The following YPEL4 variants were observed in gnomAD, a reference collection of about 807,000 sequenced individuals.
YPEL4 encodes the protein yippee like 4.
In YPEL4, 5 loss-of-function variants were observed where a neutral mutation model predicts 16.3. The ratio of observed to expected loss-of-function variants is 0.31; its 90% CI spans 0.16 to 0.64. YPEL4 has a LOEUF of 0.64. Among genes scored for constraint, YPEL4 ranks in the 30% least tolerant of loss-of-function variants. YPEL4 has a pLI of 0.79. For synonymous variants in YPEL4, 61 were observed against 60.7 expected (o/e 1.00, Z -0.02); for missense variants, 127 against 170.0 (o/e 0.75, Z 1.41).
intron 4 of YPEL4, 105 bp from the exon 5 acceptor site, chr11:57,646,175 C>T (rs764258055): frequency 3.9e-5 from 61 of 1,561,346 alleles, no homozygotes; most frequent in Admixed American, 5.1e-5. Context: ...TAGCCCAACC[C>T]AGTGACTAGT....
At position 57,645,956 on chromosome 11, in the gene YPEL4, G is replaced by A; in HGVS notation, c.*25C>T. 1 of 1,610,742 alleles carries A rather than the reference G, an allele frequency of 6.2e-7. No individual in the cohort carries two copies. Among genetic ancestry groups the A allele is most frequent in the South Asian group, 1.1e-5 (1 of 90,990 alleles). ...CGTGGGGAGGGAGGGGCATGCGGAG[G>A]AAGGGCACACCCTGCCTGAGCCCCT... On this transcript the variant is annotated 3_prime_UTR_variant, in exon 5 of 5. Coordinates refer to ENST00000300022, the MANE Select transcript of YPEL4 (RefSeq NM_145008.3).
At chr11:57,648,182 G>C (rs769528063) in intron 1 of YPEL4, 1 of 152,256 alleles carries the variant, frequency 6.6e-6, no homozygotes, top group South Asian at 2.1e-4. Context: ...TGAGAGCAAC[G>C]GCCACAACGA....
In YPEL4 at chr11:57,645,869, G is replaced by T; in HGVS notation, c.*112C>A. 1.9e-6 allele frequency: 2 copies of T among 1,072,018 alleles called. No individual in the cohort carries two copies. Among genetic ancestry groups the T allele is most frequent in the Non-Finnish European group, 2.7e-6 (2 of 736,358 alleles). 66.4% of individuals were successfully genotyped at this position (1,072,018 alleles called of 1,614,324 possible). A position where few individuals can be genotyped will look rare whatever the true frequency, so the allele number is the denominator to read the frequency against. ...GGTGGAGGCAGGGGAGGGGTTGGTT[G>T]GAGCCAGGTTTCCCCCAGGGGTGGG... On this transcript the variant is annotated 3_prime_UTR_variant, in exon 5 of 5. Coordinates refer to ENST00000300022, the MANE Select transcript of YPEL4 (RefSeq NM_145008.3).
Position 57,646,053 on chromosome 11 carries a change from C to CAA in YPEL4, c.311_312insTT (p.Ser105Ter). The CAA allele has an allele frequency of 6.2e-7, 1 of 1,614,146 alleles. No individual in the cohort carries two copies. Among genetic ancestry groups the CAA allele is most frequent in the Non-Finnish European group, 8.5e-7 (1 of 1,180,038 alleles). ...ATTTCCCTTCCTTGTACTTCTGGCTCGTCTCAAAAGCTTGCTCCTGGTGAA... is the reference window on the plus strand; with the variant it reads ...ATTTCCCTTCCTTGTACTTCTGGCTCAAGTCTCAAAAGCTTGCTCCTGGTGAA... On this transcript the variant is annotated frameshift_variant, in exon 5 of 5. Coordinates refer to ENST00000300022, the MANE Select transcript of YPEL4 (RefSeq NM_145008.3). LOFTEE classifies it high-confidence loss of function.
At chr11:57,648,298 CTG>C (rs1945755868) in intron 1 of YPEL4, 1 of 152,268 alleles carries the variant, frequency 6.6e-6, no homozygotes, top group African/African-American at 2.4e-5. Flanking sequence ...AGCAGTGACT[CTG>C]TGGGTGACTG....
In YPEL4 at chr11:57,645,738, C is replaced by G. The variant is rs1945722823; in HGVS notation, c.*243G>C. On this transcript the variant is annotated 3_prime_UTR_variant, in exon 5 of 5. Coordinates refer to ENST00000300022, the MANE Select transcript of YPEL4 (RefSeq NM_145008.3). ...GGGAACAGAAAGACCCACAACCATC[C>G]CTTTCCCCCAGTTCTGTCTCTCCCT... 3 of 524,282 alleles carry G rather than the reference C, an allele frequency of 5.7e-6. No individual in the cohort carries two copies. In the South Asian group the frequency reaches 8.1e-5, roughly 14 times the overall value. The allele number at this position is 524,282 out of a possible 1,614,324, so 32.5% of individuals were successfully genotyped here. A position where few individuals can be genotyped will look rare whatever the true frequency, so the allele number is the denominator to read the frequency against.
intron 3 of YPEL4, 82 bp from the exon 4 acceptor site, chr11:57,646,487 C>T (rs1590841717): frequency 2.0e-6 from 3 of 1,516,546 alleles, no homozygotes; most frequent in Non-Finnish European, 2.7e-6. Context: ...AGGGAACTTC[C>T]ATCTGGAGAG....
intron 4 of YPEL4, 50 bp from the exon 5 acceptor site, chr11:57,646,120 G>A (rs1175008861): frequency 6.2e-7 from 1 of 1,605,462 alleles, no homozygotes; most frequent in African/African-American, 1.3e-5. Context: ...TTCCTTCCAG[G>A]CCCCACTGTC....
At chr11:57,646,252 G>C (rs1458948253) in intron 4 of YPEL4, 45 bp downstream of exon 4, 1 of 1,606,894 alleles carries the variant, frequency 6.2e-7, no homozygotes, top group Non-Finnish European at 8.5e-7. Context: ...GAAGGGCCAT[G>C]GGGACTGCCA....
intron 1 of YPEL4, chr11:57,648,843 T>G (rs1007337699): frequency 6.6e-6 from 1 of 152,312 alleles, no homozygotes; most frequent in Non-Finnish European, 1.5e-5. Flanking sequence ...TTCACAGGTT[T>G]GCCTTCAACT....
In YPEL4 at chr11:57,646,954, C is replaced by T; in HGVS notation, c.141+13G>A. 1.3e-6 allele frequency: 2 copies of T among 1,567,330 alleles called. No individual in the cohort carries two copies. The highest frequency in any genetic ancestry group is 2.3e-5 in the South Asian group (2 of 86,376). ...GCGAGAGGAGGGGAATGGCAGGTCCCCGCTTCGCGTACCTTGGAAATAAGC... is the reference window on the plus strand; with the variant it reads ...GCGAGAGGAGGGGAATGGCAGGTCCTCGCTTCGCGTACCTTGGAAATAAGC... On this transcript the variant is annotated intron_variant, in intron 2 of 4. Transcript: ENST00000300022.
At position 57,647,286 on chromosome 11, in the gene YPEL4, A is replaced by G. The variant is rs1945744030; in HGVS notation, c.-179T>C. Reference sequence around the variant, plus strand: ...CAGACGAGAACCAGATAGAAATAGAAGTCACCTGGGAAGAGGGGAAAGGAC... The same window carrying G: ...CAGACGAGAACCAGATAGAAATAGAGGTCACCTGGGAAGAGGGGAAAGGAC... On this transcript the variant is annotated 5_prime_UTR_variant, in exon 2 of 5. Transcript: ENST00000300022. The surrounding 1 kb of genome is among the most constrained non-coding windows in gnomAD (Gnocchi z 4.2). 1.2e-6 allele frequency: 1 copy of G among 827,384 alleles called. No homozygotes were observed. The highest frequency in any genetic ancestry group is 2.3e-5 in the South Asian group (1 of 44,088). 51.3% of individuals were successfully genotyped at this position (827,384 alleles called of 1,614,324 possible).
Position 57,647,314 on chromosome 11 carries a change from CA to C in YPEL4, c.-184-24del, listed in dbSNP as rs1945744325. On this transcript the variant is annotated intron_variant, in intron 1 of 4. Coordinates refer to ENST00000300022, the MANE Select transcript of YPEL4 (RefSeq NM_145008.3). This position sits in a 1 kb window ranked among gnomAD's most constrained non-coding sequence, Gnocchi z 4.2. ...CACCTGGGAAGAGGGGAAAGGACAT[CA>C]GGGGAGCTGCGACCTCAGGAGGACC... 6 of 612,058 alleles carry C rather than the reference CA, an allele frequency of 9.8e-6. No homozygotes were observed. Among genetic ancestry groups the C allele is most frequent in the South Asian group, 9.1e-5 (3 of 32,926 alleles). The allele number at this position is 612,058 out of a possible 1,614,324, so 37.9% of individuals were successfully genotyped here.
At position 57,647,203 on chromosome 11, in the gene YPEL4, C is replaced by A; in HGVS notation, c.-96G>T. Reference sequence around the variant, plus strand: ...CAGGTGAAGCAGCGGAGCAGGTTGGCTAGAGCCGTGTTTCAGGGCAGGAGA... The same window carrying A: ...CAGGTGAAGCAGCGGAGCAGGTTGGATAGAGCCGTGTTTCAGGGCAGGAGA... On this transcript the variant is annotated 5_prime_UTR_variant, in exon 2 of 5. Transcript: ENST00000300022. The surrounding 1 kb of genome is among the most constrained non-coding windows in gnomAD (Gnocchi z 4.2). 6.9e-7 allele frequency: 1 copy of A among 1,444,528 alleles called. No individual in the cohort carries two copies. The highest frequency in any genetic ancestry group is 2.6e-5 in the East Asian group (1 of 38,848). The allele number at this position is 1,444,528 out of a possible 1,614,324, so 89.5% of individuals were successfully genotyped here. A position where few individuals can be genotyped will look rare whatever the true frequency, so the allele number is the denominator to read the frequency against.
chr11:57,646,878 G>C lies in YPEL4; in HGVS notation c.142-84C>G, dbSNP rs925281850. 3.1e-6 allele frequency: 5 copies of C among 1,595,062 alleles called. No individual in the cohort carries two copies. The African/African-American group carries it at 5.4e-5, about 17-fold the overall frequency. Reference sequence around the variant, plus strand: ...TCCCCGCAGGGGTGTGTAGGAGAGAGGAAGAGCTTTGCTGCCTCACCCCTG... The same window carrying C: ...TCCCCGCAGGGGTGTGTAGGAGAGACGAAGAGCTTTGCTGCCTCACCCCTG... On this transcript the variant is annotated intron_variant, in intron 2 of 4. Transcript: ENST00000300022.
intron 2 of YPEL4, 85 bp from the exon 3 acceptor site, chr11:57,646,879 G>A (rs1945736352): frequency 4.4e-6 from 7 of 1,593,126 alleles, no homozygotes; most frequent in South Asian, 1.1e-5. Context: ...TAGGAGAGAG[G>A]AAGAGCTTTG....
rs962133762 is a variant in YPEL4, at chr11:57,649,717, T to C, written c.-217A>G. ...TCTGCTCCAGAGATCTCCGTCTATCTCTCTCTCTCTCTCTCAATCTCTCAA... is the reference window on the plus strand; with the variant it reads ...TCTGCTCCAGAGATCTCCGTCTATCCCTCTCTCTCTCTCTCAATCTCTCAA... On this transcript the variant is annotated 5_prime_UTR_variant, in exon 1 of 5. Coordinates refer to ENST00000300022, the MANE Select transcript of YPEL4 (RefSeq NM_145008.3). 4 of 145,784 alleles carry C rather than the reference T, an allele frequency of 2.7e-5. No homozygotes were observed. The highest frequency in any genetic ancestry group is 1.0e-4 in the African/African-American group (4 of 39,574). 9.0% of individuals were successfully genotyped at this position (145,784 alleles called of 1,614,324 possible).
intron 2 of YPEL4, 38 bp from the exon 3 acceptor site, chr11:57,646,832 C>G (rs969422727): frequency 1.4e-5 from 22 of 1,612,572 alleles, no homozygotes; most frequent in Non-Finnish European, 1.9e-5. Flanking sequence ...TACCAAGCAG[C>G]CTTCAGCCCC....
At chr11:57,648,895 CCTT>C (rs755049954) in intron 1 of YPEL4, 2 of 152,230 alleles carry the variant, frequency 1.3e-5, no homozygotes, top group South Asian at 2.1e-4. Flanking sequence ...CCTTGAAACA[CCTT>C]CTTCAAGGGG....
Sources: gnomAD v4.1 joint callset for allele counts on GRCh38, gnomAD v4.1.1 for gene constraint, Gnocchi (gnomAD v3.1) non-coding constraint, MANE v1.5 for transcripts, NCBI Gene and HGNC (gene_info 2026-07-23, HGNC 2026-07-21) for gene names.